The following TUSC3 variants were observed in gnomAD, a reference collection of about 807,000 sequenced individuals.
TUSC3 encodes the protein tumor suppressor candidate 3, also known as dolichyl-diphosphooligosaccharide--protein glycosyltransferase subunit TUSC3.
TUSC3 carries 45 observed loss-of-function variants against 44.8 expected under a neutral mutation model. The ratio of observed to expected loss-of-function variants is 1.00; its 90% CI spans 0.79 to 1.29. TUSC3 has a LOEUF of 1.29. Among genes scored for constraint, TUSC3 ranks in the 50% most tolerant of loss-of-function variants. The probability of loss-of-function intolerance (pLI) is 0.00; values close to 1 mark genes in which losing one functional copy is unlikely to be tolerated. For synonymous variants in TUSC3, 212 were observed against 152.9 expected, an observed-to-expected ratio of 1.39 and a Z score of -2.85; for missense variants, 519 against 437.9, an observed-to-expected ratio of 1.19 and a Z score of -1.65.
At chr8:15,577,651 C>A (rs1368932434) in intron 1 of TUSC3, among the ~76,000 whole-genome samples, 1 of 147,028 alleles carries the variant, frequency 6.8e-6, no homozygotes, top group Admixed American at 6.9e-5. Flanking sequence ...TCTGAGGGCT[C>A]TGTTCTGTTC....
At chr8:15,829,036 A>G in the TUSC3 span, among the ~76,000 whole-genome samples, 2 of 152,302 alleles carry the variant, frequency 1.3e-5, no homozygotes, top group East Asian at 3.9e-4. Flanking sequence ...ATGCTGTTTT[A>G]TCTATTTTCT....
chr8:15,754,449 A>C (rs1389408565), intron 9 of TUSC3, among the ~76,000 whole-genome samples: 6 of 152,168 alleles, frequency 3.9e-5, no homozygotes, highest in Non-Finnish European at 8.8e-5. Context: ...CTGCTAGTAC[A>C]GACACACATT....
At chr8:15,429,779 T>TA (rs1336504843) in intron 1 of TUSC3, among the ~76,000 whole-genome samples, 1 of 151,564 alleles carries the variant, frequency 6.6e-6, no homozygotes, top group East Asian at 1.9e-4. Context: ...ATAGATGCAA[T>TA]AAAAAATGAC....
At chr8:15,837,218 CTT>C in the TUSC3 span, among the ~76,000 whole-genome samples, 1 of 151,496 alleles carries the variant, frequency 6.6e-6, no homozygotes, top group Non-Finnish European at 1.5e-5. Context: ...GGGATTATGT[CTT>C]TTTTTTTAAA....
At chr8:15,801,243 G>C in the TUSC3 span, among the ~76,000 whole-genome samples, 1 of 152,156 alleles carries the variant, frequency 6.6e-6, no homozygotes, top group Non-Finnish European at 1.5e-5. Context: ...GTAATTTCCT[G>C]ACGCTGCCAT....
intron 1 of TUSC3, among the ~76,000 whole-genome samples, chr8:15,422,122 T>C (rs1799745533): frequency 6.6e-6 from 1 of 152,202 alleles, no homozygotes; most frequent in African/African-American, 2.4e-5. Context: ...AATAGCTCTT[T>C]TCTAAATTTT....
intron 2 of TUSC3, among the ~76,000 whole-genome samples, chr8:15,518,032 C>T (rs1030136573): frequency 3.3e-5 from 5 of 151,906 alleles, no homozygotes; most frequent in African/African-American, 4.8e-5. Context: ...CTCCTCCTTA[C>T]CCCTTTTGCC....
intron 1 of TUSC3, among the ~76,000 whole-genome samples, chr8:15,593,787 G>A (rs1285008710): frequency 6.6e-6 from 1 of 151,370 alleles, no homozygotes; most frequent in Non-Finnish European, 1.5e-5. Context: ...TTTATGCTCT[G>A]TGCACTGTTG....
intron 1 of TUSC3, among the ~76,000 whole-genome samples, chr8:15,446,026 C>T (rs1247773507): frequency 4.6e-5 from 7 of 151,202 alleles, no homozygotes; most frequent in African/African-American, 1.5e-4. Flanking sequence ...GGCTGCCGGG[C>T]GGAGGGGCTC....
intron 1 of TUSC3, among the ~76,000 whole-genome samples, chr8:15,611,504 T>A (rs904093584): frequency 1.3e-5 from 2 of 152,200 alleles, no homozygotes; most frequent in Non-Finnish European, 1.5e-5. Flanking sequence ...TGCTTTTGAA[T>A]GTAATGATAA....
At chr8:15,500,607 C>G (rs926523583) in intron 2 of TUSC3, among the ~76,000 whole-genome samples, 3 of 152,200 alleles carry the variant, frequency 2.0e-5, no homozygotes, top group Admixed American at 2.0e-4. Flanking sequence ...GATGTAGGCA[C>G]CAGTTGAACC....
At position 15,553,160 on chromosome 8, in the gene TUSC3, CTG is replaced by C. The variant is rs1309030634; in HGVS notation, c.138+12593_138+12594del. 1.3e-5 allele frequency among the ~76,000 whole-genome samples: 2 copies of C among 151,666 alleles called. 1 individual carries two copies. Among genetic ancestry groups the C allele is most frequent in the Non-Finnish European group, 2.9e-5 (2 of 67,880 alleles). On this transcript the variant is annotated intron_variant, in intron 1 of 10. Coordinates refer to ENST00000503731, the MANE Select transcript of TUSC3 (RefSeq NM_006765.4). Reference sequence around the variant, plus strand: ...ATGAGATGCCTGTGTGATATCTAAACTGAGATGTTTGAGAAGCAGAATATATG... The same window carrying C: ...ATGAGATGCCTGTGTGATATCTAAACAGATGTTTGAGAAGCAGAATATATG...
intron 1 of TUSC3, among the ~76,000 whole-genome samples, chr8:15,581,360 A>T (rs947418391): frequency 5.0e-4 from 75 of 150,006 alleles, no homozygotes; most frequent in Non-Finnish European, 9.4e-4. Context: ...GTTGCTGGTG[A>T]GGAACTGCGT....
intron 6 of TUSC3, among the ~76,000 whole-genome samples, chr8:15,677,869 G>GT (rs1450841499): frequency 1.3e-5 from 2 of 152,202 alleles, no homozygotes; most frequent in Admixed American, 6.5e-5. Context: ...ACATCCACTG[G>GT]TTGGAGAGGC....
chr8:15,768,487 A>G (rs1309825310), downstream of TUSC3, among the ~76,000 whole-genome samples: 1 of 152,184 alleles, frequency 6.6e-6, no homozygotes, highest in Non-Finnish European at 1.5e-5. Context: ...CAGCACAGGC[A>G]TTGGACTTGC....
At chr8:15,739,641 C>G (rs974911106) in intron 7 of TUSC3, among the ~76,000 whole-genome samples, 10 of 152,076 alleles carry the variant, frequency 6.6e-5, no homozygotes, top group African/African-American at 9.7e-5. Flanking sequence ...TGAGTTATTG[C>G]AAACTTATTT....
chr8:15,476,768 C>T (rs1427758970), intron 1 of TUSC3, among the ~76,000 whole-genome samples: 1 of 152,198 alleles, frequency 6.6e-6, no homozygotes, highest in Non-Finnish European at 1.5e-5. Flanking sequence ...TTTAAATACC[C>T]TCTAGAGGTT....
At chr8:15,441,986 G>A (rs560360804) in intron 1 of TUSC3, among the ~76,000 whole-genome samples, 6 of 152,194 alleles carry the variant, frequency 3.9e-5, no homozygotes, top group African/African-American at 9.6e-5. Context: ...TTTGTTTCCC[G>A]ATAAGTTGGT....
rs185429174 is a variant in TUSC3 at position 15,470,723 on chromosome 8, C to G, written n.92-12663C>G. 1.4e-4 allele frequency among the ~76,000 whole-genome samples: 22 copies of G among 152,286 alleles called. 1 individual carries two copies. The highest frequency in any genetic ancestry group is 5.1e-4 in the African/African-American group (21 of 41,572). On this transcript the variant is annotated intron_variant and non_coding_transcript_variant, in intron 1 of 5. Coordinates refer to the TUSC3 transcript ENST00000503191. ...TCCCTTCCTGCCAAAGCCACTGTCT[C>G]AGTGGAGTTGGCATTTTCTCCCACT...
Sources: allele counts gnomAD v4.1 joint callset (sites outside exome capture counted in the v4.1 genomes callset), GRCh38; gene constraint gnomAD v4.1.1; transcripts MANE v1.5; gene names NCBI Gene and HGNC (gene_info 2026-07-23, HGNC 2026-07-21).